Variants in CNTNAP2 observed in about 807,000 individuals in gnomAD.
The protein encoded by CNTNAP2 is contactin associated protein 2.
A neutral mutation model predicts 155.2 loss-of-function variants in CNTNAP2; 98 were observed. The ratio of observed to expected loss-of-function variants is 0.63; its 90% CI spans 0.54 to 0.75. The LOEUF (loss-of-function observed/expected upper bound fraction) is 0.75, where lower values mean the gene tolerates loss of function less well. Among genes scored for constraint, CNTNAP2 ranks in the 30% least tolerant of loss-of-function variants. The pLI, the probability that CNTNAP2 is intolerant of heterozygous loss-of-function variation, is 0.00. For synonymous variants in CNTNAP2, 651 were observed against 631.2 expected (o/e 1.03, Z -0.47); for missense variants, 1,727 against 1,688.1 (o/e 1.02, Z -0.40).
At chr7:148,185,147 G>A (rs1429085392) in intron 18 of CNTNAP2, among the ~76,000 whole-genome samples, 2 of 152,116 alleles carry the variant, frequency 1.3e-5, no homozygotes, top group African/African-American at 2.4e-5. Flanking sequence ...ACTGAAATGC[G>A]TTATCCAGAA....
chr7:147,842,333 T>A (rs1295811740), intron 13 of CNTNAP2, among the ~76,000 whole-genome samples: 2 of 152,224 alleles, frequency 1.3e-5, no homozygotes, highest in Admixed American at 6.5e-5. Flanking sequence ...ACAGACAATT[T>A]GTTGCAGATT....
intron 15 of CNTNAP2, among the ~76,000 whole-genome samples, chr7:148,065,788 T>C (rs1486296377): frequency 2.0e-5 from 3 of 152,330 alleles, no homozygotes; most frequent in African/African-American, 7.2e-5. Flanking sequence ...CATTCAACAT[T>C]AGTATTGAGA....
Position 146,721,096 on chromosome 7 carries a change from ATATT to A in CNTNAP2, c.98-53174_98-53171del, listed in dbSNP as rs1276668664. Among the ~76,000 whole-genome samples, 71 of 129,152 alleles carry A rather than the reference ATATT, an allele frequency of 5.5e-4. 3 individuals are homozygous for A. The highest frequency in any genetic ancestry group is 1.3e-4 in the Non-Finnish European group (8 of 63,882). 84.7% of individuals were successfully genotyped at this position (129,152 alleles called of 152,430 possible). The stretch of plus-strand genomic sequence containing the variant: ...TACTCTATATATATACTGTCTATAT[ATATT>A]CTCTATATATATTCTCTCTATATAT... On this transcript the variant is annotated intron_variant, in intron 1 of 23. Coordinates refer to ENST00000361727, the MANE Select transcript of CNTNAP2 (RefSeq NM_014141.6).
At chr7:147,037,626 T>C (rs1276001454) in intron 3 of CNTNAP2, among the ~76,000 whole-genome samples, 2 of 152,046 alleles carry the variant, frequency 1.3e-5, no homozygotes, top group Admixed American at 6.6e-5. Context: ...CATGCCTGGC[T>C]AATTTTTTGT....
chr7:148,219,304 A>G (rs1795700651), intron 19 of CNTNAP2, among the ~76,000 whole-genome samples: 1 of 152,118 alleles, frequency 6.6e-6, no homozygotes, highest in African/African-American at 2.4e-5. Context: ...TCTCTAACTC[A>G]CTTCCCATTG....
At chr7:147,575,880 A>T (rs1324159749) in intron 12 of CNTNAP2, among the ~76,000 whole-genome samples, 2 of 151,896 alleles carry the variant, frequency 1.3e-5, no homozygotes, top group Admixed American at 6.6e-5. Flanking sequence ...TAACCCTGAG[A>T]AGTATTAGGG....
intron 3 of CNTNAP2, among the ~76,000 whole-genome samples, chr7:146,896,128 C>T (rs1265171250): frequency 1.3e-5 from 2 of 152,014 alleles, no homozygotes; most frequent in East Asian, 3.9e-4. Flanking sequence ...ACAAAATAAG[C>T]TTCAGAGTGG....
chr7:146,669,731 A>G (rs1368506730), intron 1 of CNTNAP2, among the ~76,000 whole-genome samples: 2 of 152,172 alleles, frequency 1.3e-5, no homozygotes, highest in African/African-American at 2.4e-5. Flanking sequence ...TCTCCCTCCA[A>G]CTAGGAACTG....
intron 13 of CNTNAP2, among the ~76,000 whole-genome samples, chr7:147,791,082 C>T (rs541655684): frequency 7.9e-5 from 12 of 152,170 alleles, no homozygotes; most frequent in African/African-American, 1.2e-4. Flanking sequence ...TCTAGTTGCA[C>T]GTTTTGTCTT....
In CNTNAP2 at chr7:147,176,780, T is replaced by G. The variant is rs1473656237; in HGVS notation, c.1348+44271T>G. ...AATTATAATTATATAGAATTATATA[T>G]AATTATAATTATATATTATAATATA... On this transcript the variant is annotated intron_variant, in intron 8 of 23. Transcript: ENST00000361727. Among the ~76,000 whole-genome samples the G allele has an allele frequency of 1.9e-4, 24 of 123,748 alleles. No homozygotes were observed. The South Asian group carries it at 4.7e-3, about 24-fold the overall frequency. The allele number at this position is 123,748 out of a possible 152,430, so 81.2% of individuals were successfully genotyped here. A position where few individuals can be genotyped will look rare whatever the true frequency, so the allele number is the denominator to read the frequency against.
intron 14 of CNTNAP2, among the ~76,000 whole-genome samples, chr7:147,969,381 C>A (rs1467354131): frequency 6.6e-6 from 1 of 152,098 alleles, no homozygotes; most frequent in Non-Finnish European, 1.5e-5. Context: ...ATGACTATGA[C>A]TCTCCTGTTA....
intron 7 of CNTNAP2, among the ~76,000 whole-genome samples, chr7:147,129,534 T>C (rs1354629688): frequency 2.0e-5 from 3 of 152,178 alleles, no homozygotes; most frequent in African/African-American, 7.2e-5. Flanking sequence ...GTTTGCAATT[T>C]TAGTATGAGA....
intron 9 of CNTNAP2, among the ~76,000 whole-genome samples, chr7:147,386,379 A>C (rs11767826): frequency 0.12 from 17,715 of 152,140 alleles, 1,481 homozygotes; most frequent in Non-Finnish European, 0.18. Flanking sequence ...TAAATTTTCC[A>C]AACTTTTATG....
intron 13 of CNTNAP2, among the ~76,000 whole-genome samples, chr7:147,683,090 G>T (rs559717695): frequency 1.9e-4 from 29 of 151,892 alleles, no homozygotes; most frequent in Middle Eastern, 3.4e-3. Flanking sequence ...CAACTGAGTG[G>T]ACAGAATGCT....
intron 21 of CNTNAP2, among the ~76,000 whole-genome samples, chr7:148,340,046 A>C (rs1798201657): frequency 6.7e-6 from 1 of 150,340 alleles, no homozygotes; most frequent in South Asian, 2.1e-4. Context: ...TGAACTGTTA[A>C]ATGTTAACAG....
At chr7:146,966,905 A>G (rs1272518738) in intron 3 of CNTNAP2, among the ~76,000 whole-genome samples, 1 of 152,214 alleles carries the variant, frequency 6.6e-6, no homozygotes, top group Non-Finnish European at 1.5e-5. Flanking sequence ...AAGCAAAACC[A>G]TGATCACACA....
In CNTNAP2 at chr7:148,163,186, G is replaced by C. The variant is rs1350097327; in HGVS notation, c.2774-9056G>C. Among the ~76,000 whole-genome samples, 3 of 152,142 alleles carry C rather than the reference G, an allele frequency of 2.0e-5. No homozygotes were observed. In the East Asian group the frequency reaches 5.8e-4, roughly 29 times the overall value. ...AAACGGTGGCCAGAGCATAGTAAGA[G>C]TGCAGGCTTAAAAGCTATCCAGCCT... is the stretch of plus-strand genomic sequence containing the variant. On this transcript the variant is annotated intron_variant, in intron 17 of 23. Coordinates refer to ENST00000361727, the MANE Select transcript of CNTNAP2 (RefSeq NM_014141.6).
At chr7:147,858,511 G>A (rs751251000) in intron 13 of CNTNAP2, among the ~76,000 whole-genome samples, 9 of 152,236 alleles carry the variant, frequency 5.9e-5, no homozygotes, top group Non-Finnish European at 1.0e-4. Context: ...TGTTTAATAA[G>A]TTCCTGGTAT....
chr7:146,312,015 G>A (rs890804941), intron 1 of CNTNAP2, among the ~76,000 whole-genome samples: 1 of 152,168 alleles, frequency 6.6e-6, no homozygotes, highest in South Asian at 2.1e-4. Context: ...TTTTTCTAAG[G>A]ATTTTCAATG....
Sources: allele counts gnomAD v4.1 joint callset (sites outside exome capture counted in the v4.1 genomes callset), GRCh38; gene constraint gnomAD v4.1.1; transcripts MANE v1.5; gene names NCBI Gene and HGNC (gene_info 2026-07-23, HGNC 2026-07-21).